The following RAD51B variants were observed in gnomAD, a reference collection of about 807,000 sequenced individuals.
The protein encoded by RAD51B is DNA repair protein RAD51 homolog 2.
RAD51B carries 38 observed loss-of-function variants against 42.2 expected under a neutral mutation model. That is an observed-to-expected ratio of 0.90 (90% CI 0.70 to 1.18). The LOEUF is 1.18. Ranked by LOEUF, RAD51B falls within the 50% of genes most tolerant of loss-of-function variation. RAD51B has a pLI of 0.00. For missense variants in RAD51B, 373 were observed against 400.7 expected (o/e 0.93, Z 0.59); for synonymous variants, 154 against 145.2 (o/e 1.06, Z -0.43).
At chr14:68,656,339 G>A (rs192000370) in intron 11 of RAD51B, among the ~76,000 whole-genome samples, 80 of 152,288 alleles carry the variant, frequency 5.3e-4, no homozygotes, top group Admixed American at 1.6e-3. Flanking sequence ...TCCTAGGGCA[G>A]CTGAGAAACT....
intron 10 of RAD51B, among the ~76,000 whole-genome samples, chr14:68,636,320 C>T (rs1892338138): frequency 1.3e-5 from 2 of 152,100 alleles, no homozygotes; most frequent in African/African-American, 2.4e-5. Flanking sequence ...TGGTGGCTCA[C>T]ACGTGTCATC....
At chr14:68,035,826 C>T (rs1252750792) in intron 7 of RAD51B, among the ~76,000 whole-genome samples, 1 of 152,096 alleles carries the variant, frequency 6.6e-6, no homozygotes, top group Non-Finnish European at 1.5e-5. Flanking sequence ...AAATCAAGCA[C>T]CTGAGTTTTC....
In RAD51B at chr14:67,976,573, A is replaced by T. The variant is rs551347174; in HGVS notation, c.756+89369A>T. On this transcript the variant is annotated intron_variant, in intron 7 of 10. Transcript: ENST00000471583. ...TGTGCTGCACCCATTAACTCGTCGG[A>T]TTAAAGACTTACATATTAGACCTAA... Among the ~76,000 whole-genome samples the T allele has an allele frequency of 2.3e-3, 352 of 152,250 alleles. 1 individual carries two copies. The highest frequency in any genetic ancestry group is 8.2e-3 in the African/African-American group (341 of 41,544).
At chr14:68,458,301 G>A (rs886360404) in intron 9 of RAD51B, among the ~76,000 whole-genome samples, 1 of 152,232 alleles carries the variant, frequency 6.6e-6, no homozygotes, top group South Asian at 2.1e-4. Flanking sequence ...ATATGTTTAT[G>A]GGTATTCACT....
intron 7 of RAD51B, among the ~76,000 whole-genome samples, chr14:67,984,902 A>G (rs183587244): frequency 1.1e-4 from 16 of 152,326 alleles, no homozygotes; most frequent in Admixed American, 2.0e-4. Flanking sequence ...ACCCAAATAG[A>G]AAGTGTAAAA....
At chr14:68,520,453 G>T (rs1203720554) in intron 10 of RAD51B, among the ~76,000 whole-genome samples, 1 of 152,172 alleles carries the variant, frequency 6.6e-6, no homozygotes, top group Non-Finnish European at 1.5e-5. Flanking sequence ...AGACAGTTAA[G>T]CTTGTAGCTG....
intron 7 of RAD51B, among the ~76,000 whole-genome samples, chr14:68,256,846 A>G (rs1255469214): frequency 6.6e-6 from 1 of 152,226 alleles, no homozygotes; most frequent in Non-Finnish European, 1.5e-5. Context: ...GATAAATACT[A>G]AAGTCATAAA....
chr14:68,521,991 T>C (rs1310196807), intron 10 of RAD51B, among the ~76,000 whole-genome samples: 1 of 152,230 alleles, frequency 6.6e-6, no homozygotes, highest in Admixed American at 6.5e-5. Context: ...TTGGGTCGGT[T>C]ACTCTTCTCT....
rs1392446430 is a variant in RAD51B at position 67,912,610 on chromosome 14, A to G, written c.756+25406A>G. ...TAAATGAAGTAAATTGTAAAAGTAG[A>G]GATACAAACAATTTAGTGAGAACAC... On this transcript the variant is annotated intron_variant, in intron 7 of 10. Transcript: ENST00000471583. 3.3e-5 allele frequency among the ~76,000 whole-genome samples: 5 copies of G among 152,184 alleles called. No individual in the cohort carries two copies. In the East Asian group the frequency reaches 9.6e-4, roughly 29 times the overall value.
chr14:68,540,042 C>T (rs182538063), intron 10 of RAD51B, among the ~76,000 whole-genome samples: 2 of 152,142 alleles, frequency 1.3e-5, no homozygotes, highest in East Asian at 3.9e-4. Context: ...CATTTCTGTG[C>T]TGGCATCCAC....
chr14:68,375,458 A>G (rs994709731), intron 8 of RAD51B, among the ~76,000 whole-genome samples: 3 of 152,102 alleles, frequency 2.0e-5, no homozygotes, highest in Non-Finnish European at 4.4e-5. Flanking sequence ...CCTCTGCCTC[A>G]TGTCATTCTC....
In RAD51B at chr14:68,305,546, T is replaced by G. The variant is rs114954412; in HGVS notation, c.853+13566T>G. On this transcript the variant is annotated intron_variant, in intron 8 of 10. Transcript: ENST00000471583. ...GTGAGGCCCACAGACATGAAACAGT[T>G]GAAGTCACACTGTAGTACAGCATCT... is the stretch of plus-strand genomic sequence containing the variant. Among the ~76,000 whole-genome samples, 1,134 of 152,306 alleles carry G rather than the reference T, an allele frequency of 7.4e-3. 9 individuals carry two copies. The highest frequency in any genetic ancestry group is 0.024 in the African/African-American group (990 of 41,556).
chr14:67,828,600 G>GT (rs201541389), intron 3 of RAD51B, among the ~76,000 whole-genome samples: 4 of 151,486 alleles, frequency 2.6e-5, no homozygotes, highest in African/African-American at 4.8e-5. Context: ...TCAAGGTTTT[G>GT]TTTTTTTTCC....
intron 11 of RAD51B, among the ~76,000 whole-genome samples, chr14:68,658,155 G>T (rs1441735514): frequency 6.6e-6 from 1 of 152,240 alleles, no homozygotes; most frequent in Non-Finnish European, 1.5e-5. Context: ...CTCTGGGCTG[G>T]GTTGGCAGGT....
At chr14:68,577,423 C>T (rs1890010455) in intron 10 of RAD51B, among the ~76,000 whole-genome samples, 1 of 152,106 alleles carries the variant, frequency 6.6e-6, no homozygotes, top group South Asian at 2.1e-4. Context: ...ACAACCCTCT[C>T]TCCCTCCTTT....
At chr14:68,027,088 T>C (rs1480175923) in intron 7 of RAD51B, among the ~76,000 whole-genome samples, 1 of 152,198 alleles carries the variant, frequency 6.6e-6, no homozygotes, top group Non-Finnish European at 1.5e-5. Context: ...TTATTTTTCC[T>C]TAGTTTATGA....
chr14:67,933,756 A>G (rs1054261976), intron 7 of RAD51B, among the ~76,000 whole-genome samples: 4 of 151,996 alleles, frequency 2.6e-5, no homozygotes, highest in Non-Finnish European at 4.4e-5. Flanking sequence ...TATAGGTGTG[A>G]TTATTTTGGT....
chr14:68,609,180 C>G (rs1891572874), intron 10 of RAD51B, among the ~76,000 whole-genome samples: 1 of 152,212 alleles, frequency 6.6e-6, no homozygotes, highest in Admixed American at 6.5e-5. Flanking sequence ...CAACTTTACT[C>G]AGGCCTGCCC....
chr14:68,509,852 C>T (rs79359546), intron 10 of RAD51B, among the ~76,000 whole-genome samples: 24 of 152,326 alleles, frequency 1.6e-4, no homozygotes, highest in Non-Finnish European at 2.1e-4. Context: ...GGCTGCAGGC[C>T]GGATTTGACC....
Sources: gnomAD v4.1 joint callset for allele counts (sites outside exome capture counted in the v4.1 genomes callset) on GRCh38, gnomAD v4.1.1 for gene constraint, MANE v1.5 for transcripts, NCBI Gene and HGNC (gene_info 2026-07-23, HGNC 2026-07-21) for gene names.